Variants in PRDM16 observed in about 807,000 individuals in gnomAD.
PRDM16 encodes PR/SET domain 16.
Under a neutral mutation model 110.6 loss-of-function variants are expected in PRDM16, and 23 were observed. The observed-to-expected ratio is 0.21, with a 90% CI of 0.15 to 0.29. The LOEUF (loss-of-function observed/expected upper bound fraction) is 0.29, where lower values mean the gene tolerates loss of function less well. PRDM16 is among the 10% of genes least tolerant of loss of function. The pLI, the probability that PRDM16 is intolerant of heterozygous loss-of-function variation, is 1.00. For synonymous variants in PRDM16, 799 were observed against 781.8 expected (o/e 1.02, Z -0.37); for missense variants, 1,615 against 1,794.3 (o/e 0.90, Z 1.81).
chr1:3,273,563 T>C (rs1281199206), intron 3 of PRDM16, among the ~76,000 whole-genome samples: 1 of 152,074 alleles, frequency 6.6e-6, no homozygotes, highest in Non-Finnish European at 1.5e-5. Flanking sequence ...TATATAAGGG[T>C]ACATGCCCAT....
intron 12 of PRDM16, among the ~76,000 whole-genome samples, chr1:3,419,247 T>C (rs1638360974): frequency 6.6e-6 from 1 of 152,314 alleles, no homozygotes; most frequent in African/African-American, 2.4e-5. Flanking sequence ...TGGAGCCCAC[T>C]GAGGGATTCC....
At chr1:3,311,637 G>T (rs914981706) in intron 3 of PRDM16, among the ~76,000 whole-genome samples, 5 of 152,204 alleles carry the variant, frequency 3.3e-5, no homozygotes, top group Non-Finnish European at 5.9e-5. Context: ...AGGCTCAGGA[G>T]CTCACCCAAG....
chr1:3,326,206 C>T (rs1209960015), intron 3 of PRDM16, among the ~76,000 whole-genome samples: 2 of 152,220 alleles, frequency 1.3e-5, no homozygotes, highest in Admixed American at 1.3e-4. Context: ...CCATCCTTGG[C>T]CCTCCTTGGC....
chr1:3,345,663 C>T (rs982030723), intron 3 of PRDM16, among the ~76,000 whole-genome samples: 20 of 152,222 alleles, frequency 1.3e-4, no homozygotes, highest in Non-Finnish European at 2.5e-4. Context: ...CGGGATGCAG[C>T]AGGACCCCCT....
chr1:3,097,306 G>A (rs7539543), intron 1 of PRDM16, among the ~76,000 whole-genome samples: 4,546 of 152,306 alleles, frequency 0.03, 121 homozygotes, highest in African/African-American at 0.07. Context: ...CAGAAAGGAC[G>A]TGACGGTGTC....
chr1:3,094,994 G>A (rs10449221), intron 1 of PRDM16, among the ~76,000 whole-genome samples: 50,171 of 152,090 alleles, frequency 0.33, 9,014 homozygotes, highest in East Asian at 0.52. Flanking sequence ...CGTGCTGGGC[G>A]AGATGAAGCC....
intron 1 of PRDM16, among the ~76,000 whole-genome samples, chr1:3,135,439 C>T (rs867663840): frequency 1.3e-5 from 2 of 152,228 alleles, no homozygotes; most frequent in Admixed American, 6.5e-5. Context: ...CAATGAGCTC[C>T]GGGCGTCCTG....
intron 1 of PRDM16, among the ~76,000 whole-genome samples, chr1:3,090,020 C>A (rs565016964): frequency 6.6e-6 from 1 of 152,308 alleles, no homozygotes; most frequent in South Asian, 2.1e-4. Flanking sequence ...GTTCCAGCCT[C>A]GTACTTGTTC....
chr1:3,362,143 C>T (rs1192120052), intron 3 of PRDM16, among the ~76,000 whole-genome samples: 1 of 152,226 alleles, frequency 6.6e-6, no homozygotes, highest in African/African-American at 2.4e-5. Context: ...AGACATTTCT[C>T]CAAGGAGCAT....
At chr1:3,315,902 TGCCCGAGTGGCGGTG>T (rs766630939) in intron 3 of PRDM16, among the ~76,000 whole-genome samples, 175 of 152,278 alleles carry the variant, frequency 1.1e-3, no homozygotes, top group Non-Finnish European at 2.2e-3. Context: ...AGAGATGCGT[TGCCCGAGTGGCGGTG>T]GCCCTGCCTG....
chr1:3,092,017 G>A (rs569993895), intron 1 of PRDM16, among the ~76,000 whole-genome samples: 1 of 152,344 alleles, frequency 6.6e-6, no homozygotes, highest in Admixed American at 6.5e-5. Context: ...GGGAGGGGAC[G>A]CAGGTCCCCA....
intron 2 of PRDM16, among the ~76,000 whole-genome samples, chr1:3,214,798 G>C (rs986295615): frequency 6.6e-6 from 1 of 152,212 alleles, no homozygotes; most frequent in African/African-American, 2.4e-5. Flanking sequence ...CATCAGACGA[G>C]ATACCAACAC....
At position 3,350,517 on chromosome 1, in the gene PRDM16, C is replaced by G. The variant is rs1284917363; in HGVS notation, c.439-34635C>G. Among the ~76,000 whole-genome samples the G allele has an allele frequency of 6.6e-6, 1 of 152,110 alleles. No homozygotes were observed. The highest frequency in any genetic ancestry group is 2.4e-5 in the African/African-American group (1 of 41,432). On this transcript the variant is annotated intron_variant, in intron 3 of 16. Transcript: ENST00000270722. This position sits in a 1 kb window ranked among gnomAD's most constrained non-coding sequence, Gnocchi z 7.1. ...ATAATGTGTGTTAAGATCAAGGGCCCCGGGCTGATGTGGCCTCCCAGCAGC... is the reference window on the plus strand; with the variant it reads ...ATAATGTGTGTTAAGATCAAGGGCCGCGGGCTGATGTGGCCTCCCAGCAGC...
intron 1 of PRDM16, among the ~76,000 whole-genome samples, chr1:3,072,874 C>A (rs758268666): frequency 1.2e-4 from 18 of 152,262 alleles, no homozygotes; most frequent in Non-Finnish European, 2.5e-4. Flanking sequence ...TGTGTGTCAC[C>A]CACAGGCCCC....
chr1:3,099,546 G>A (rs1642484988), intron 1 of PRDM16, among the ~76,000 whole-genome samples: 1 of 152,212 alleles, frequency 6.6e-6, no homozygotes, highest in African/African-American at 2.4e-5. Context: ...GGGACTGGCT[G>A]GTGCTGGGCT....
intron 3 of PRDM16, among the ~76,000 whole-genome samples, chr1:3,256,692 A>C (rs1640054756): frequency 6.6e-6 from 1 of 152,008 alleles, no homozygotes; most frequent in African/African-American, 2.4e-5. Flanking sequence ...CCCCATCTCT[A>C]CTAAAAATAC....
chr1:3,322,497 T>C (rs943034994), intron 3 of PRDM16, among the ~76,000 whole-genome samples: 11 of 151,938 alleles, frequency 7.2e-5, no homozygotes, highest in Admixed American at 5.9e-4. Context: ...GGGCTCTCAC[T>C]CTCCCTAAGA....
intron 2 of PRDM16, among the ~76,000 whole-genome samples, chr1:3,215,434 C>T: frequency 8.2e-6 from 1 of 121,636 alleles, no homozygotes; most frequent in Non-Finnish European, 1.6e-5. Context: ...TATTGGGGTC[C>T]AGGAGAACAG....
rs560208395 is a variant in PRDM16 at position 3,408,531 on chromosome 1, C to T, written c.1187-2853C>T. Among the ~76,000 whole-genome samples the T allele has an allele frequency of 3.1e-4, 39 of 124,830 alleles. No individual in the cohort carries two copies. The Middle Eastern group carries it at 0.021, about 66-fold the overall frequency. The allele number at this position is 124,830 out of a possible 152,430, so 81.9% of individuals were successfully genotyped here. On this transcript the variant is annotated intron_variant, in intron 8 of 16. Coordinates refer to ENST00000270722, the MANE Select transcript of PRDM16 (RefSeq NM_022114.4). ...GCACCGGTGCGTGTGTGTGTGAGAG[C>T]GTGTGTGTGGACACATGAGCTGGTG...
Sources: gnomAD v4.1 joint callset for allele counts (sites outside exome capture counted in the v4.1 genomes callset) on GRCh38, gnomAD v4.1.1 for gene constraint, Gnocchi (gnomAD v3.1) non-coding constraint, MANE v1.5 for transcripts, NCBI Gene and HGNC (gene_info 2026-07-23, HGNC 2026-07-21) for gene names.